DMD: variants seen among roughly 807,000 people sequenced by gnomAD.
The protein encoded by DMD is mutant dystrophin.
DMD carries 63 observed loss-of-function variants against 330.1 expected under a neutral mutation model. The observed-to-expected ratio is 0.19, with a 90% confidence interval of 0.16 to 0.24. The LOEUF (loss-of-function observed/expected upper bound fraction) is 0.24, where lower values mean the gene tolerates loss of function less well. DMD is among the 10% of genes least tolerant of loss of function. The pLI, the probability that DMD is intolerant of heterozygous loss-of-function variation, is 1.00. For synonymous variants in DMD, 1,223 were observed against 959.8 expected, an observed-to-expected ratio of 1.27 and a Z score of -5.07; for missense variants, 3,344 against 2,684.1, an observed-to-expected ratio of 1.25 and a Z score of -5.43.
At chrX:33,020,251 T>C (rs779475733) in intron 1 of DMD, 51 bp from the exon 2 acceptor site, 1 of 902,871 alleles carries the variant, frequency 1.1e-6, no homozygotes, top group Non-Finnish European at 1.6e-6. Flanking sequence ...TTAAATATAA[T>C]TCATATTTTA....
At chrX:32,783,914 G>T (rs1247061643) in intron 7 of DMD, among the ~76,000 whole-genome samples, 3 of 106,987 alleles carry the variant, frequency 2.8e-5, no homozygotes, top group Non-Finnish European at 5.8e-5. Context: ...CTGCTTAAAT[G>T]ACCAACTTAA....
chrX:32,933,272 C>T (rs1296565034), intron 2 of DMD, among the ~76,000 whole-genome samples: 1 of 111,549 alleles, frequency 9.0e-6, no homozygotes, highest in Non-Finnish European at 1.9e-5. Flanking sequence ...TATATTTTGG[C>T]TCAGAGCTCA....
intron 1 of DMD, among the ~76,000 whole-genome samples, chrX:33,150,839 C>A (rs1454811413): frequency 3.6e-5 from 4 of 110,921 alleles, no homozygotes; most frequent in African/African-American, 1.3e-4. Context: ...CACTAACACA[C>A]AACATAACTT....
intron 21 of DMD, among the ~76,000 whole-genome samples, chrX:32,481,705 C>T (rs2041915878): frequency 9.0e-6 from 1 of 111,711 alleles, no homozygotes; most frequent in Admixed American, 9.6e-5. Context: ...AGGTTTGGTT[C>T]TAACATCATC....
chrX:32,099,150 C>T (rs1223540857), intron 44 of DMD, among the ~76,000 whole-genome samples: 2 of 111,788 alleles, frequency 1.8e-5, no homozygotes, highest in Non-Finnish European at 3.8e-5. Context: ...CCATCCTCTC[C>T]AGCACCTGTT....
intron 72 of DMD, 101 bp downstream of exon 72, chrX:31,173,438 T>C: frequency 1.0e-6 from 1 of 975,053 alleles, no homozygotes; most frequent in Non-Finnish European, 1.4e-6. Flanking sequence ...TCAGACAAGT[T>C]TGGGGAAAAA....
intron 64 of DMD, among the ~76,000 whole-genome samples, chrX:31,217,297 C>T (rs1403025407): frequency 1.8e-5 from 2 of 111,906 alleles, no homozygotes; most frequent in African/African-American, 3.2e-5. Flanking sequence ...AGGAGTCATG[C>T]AACACTTAAC....
At chrX:31,838,049 C>G (rs975159580) in intron 48 of DMD, among the ~76,000 whole-genome samples, 1 of 111,676 alleles carries the variant, frequency 9.0e-6, no homozygotes, top group Non-Finnish European at 1.9e-5. Flanking sequence ...CTGCCCCTTG[C>G]CAAGAAAACA....
At chrX:32,776,290 C>A (rs964357002) in intron 7 of DMD, among the ~76,000 whole-genome samples, 1 of 108,952 alleles carries the variant, frequency 9.2e-6, no homozygotes, top group Non-Finnish European at 1.9e-5. Context: ...TGACCCCCCC[C>A]CCAAATTGTT....
At chrX:31,488,394 G>A (rs148518743) in intron 57 of DMD, among the ~76,000 whole-genome samples, 422 of 112,340 alleles carry the variant, frequency 3.8e-3, no homozygotes, top group Non-Finnish European at 6.9e-3. Flanking sequence ...TCAAGATACT[G>A]AGCCAAAATT....
chrX:32,365,159 T>C lies in DMD; in HGVS notation c.4886A>G (p.Lys1629Arg). ...KEIEKQKVHL[K>R]SITEVGEALK... ...GGCCTCTCCTACCTCTGTGATACTC[T>C]TCAGGTGCACCTTCTGTTTCTCAAT... Residue 1629 changes from lysine (K) to arginine (R), a missense_variant, in exon 35 of 79, where the codon AAG (lysine) becomes AGG (arginine). By Grantham distance (26) the Lys-to-Arg change is conservative (BLOSUM62 2). Coordinates refer to ENST00000357033, the MANE Select transcript of DMD (RefSeq NM_004006.3). The C allele has an allele frequency of 8.3e-7, 1 of 1,211,163 alleles. No homozygotes were observed. Among genetic ancestry groups the C allele is most frequent in the East Asian group, 3.0e-5 (1 of 33,778 alleles).
chrX:33,156,756 G>A (rs1199375861), intron 1 of DMD, among the ~76,000 whole-genome samples: 1 of 111,091 alleles, frequency 9.0e-6, no homozygotes, highest in East Asian at 2.8e-4. Context: ...TGACTTCCTC[G>A]GGTAAGTCTA....
chrX:32,632,468 G>GT (rs1270693720), intron 11 of DMD, among the ~76,000 whole-genome samples: 1 of 112,570 alleles, frequency 8.9e-6, no homozygotes, highest in Non-Finnish European at 1.9e-5. Context: ...GGGACTACGT[G>GT]TGGGGGATCA....
intron 60 of DMD, among the ~76,000 whole-genome samples, chrX:31,419,419 G>A (rs1008663572): frequency 9.1e-6 from 1 of 110,400 alleles, no homozygotes; most frequent in African/African-American, 3.3e-5. Flanking sequence ...ATTCATGGGT[G>A]TATGTGTGTG....
intron 44 of DMD, among the ~76,000 whole-genome samples, chrX:32,031,898 G>T (rs11795726): frequency 0.42 from 46,669 of 110,565 alleles, 7,171 homozygotes; most frequent in East Asian, 0.55. Flanking sequence ...TCACTAAAAG[G>T]TCTTTGTACA....
At chrX:32,251,457 G>A (rs1440186009) in intron 43 of DMD, among the ~76,000 whole-genome samples, 3 of 111,107 alleles carry the variant, frequency 2.7e-5, no homozygotes, top group African/African-American at 9.8e-5. Flanking sequence ...TATCTAATAT[G>A]CTCAGGGATC....
intron 60 of DMD, among the ~76,000 whole-genome samples, chrX:31,401,838 T>C (rs759729593): frequency 8.0e-4 from 89 of 111,469 alleles, no homozygotes; most frequent in African/African-American, 2.8e-3. Context: ...AGGCCCCATG[T>C]TGAATTTGTA....
intron 55 of DMD, among the ~76,000 whole-genome samples, chrX:31,587,031 C>A (rs1260897381): frequency 1.8e-5 from 2 of 110,800 alleles, no homozygotes; most frequent in Admixed American, 9.6e-5. Context: ...TTTAGACTGA[C>A]AAAAAATAAA....
intron 1 of DMD, among the ~76,000 whole-genome samples, chrX:33,205,017 C>T (rs1367828410): frequency 8.9e-6 from 1 of 112,327 alleles, no homozygotes; most frequent in Non-Finnish European, 1.9e-5. Context: ...TCTAGCTCTT[C>T]AGCAGCTGTT....
Sources: gnomAD v4.1 joint callset for allele counts (sites outside exome capture counted in the v4.1 genomes callset) on GRCh38, gnomAD v4.1.1 for gene constraint, MANE v1.5 for transcripts, NCBI Gene and HGNC (gene_info 2026-07-23, HGNC 2026-07-21) for gene names.